ITFG2: variants seen among roughly 807,000 people sequenced by gnomAD.
ITFG2 encodes KICSTOR complex protein ITFG2.
A neutral mutation model predicts 54.4 loss-of-function variants in ITFG2; 36 were observed. That is an observed-to-expected ratio of 0.66 (90% CI 0.51 to 0.87). ITFG2 has a LOEUF of 0.87. Among genes scored for constraint, ITFG2 ranks in the 40% least tolerant of loss-of-function variants. The pLI is 0.00. For synonymous variants in ITFG2, 211 were observed against 225.4 expected (o/e 0.94, Z 0.57); for missense variants, 524 against 576.7 (o/e 0.91, Z 0.94).
At position 2,844,478 on chromosome 12, in the gene ITFG2, A is replaced by T. The variant is rs556553813; in HGVS notation, n.300+3483A>T. Among the ~76,000 whole-genome samples, 51 of 152,018 alleles carry T rather than the reference A, an allele frequency of 3.4e-4. No homozygotes were observed. The South Asian group carries it at 7.1e-3, about 21-fold the overall frequency. The stretch of plus-strand genomic sequence containing the variant: ...CTGAGACAGGAGAATCACCTGAACC[A>T]AGGAGGCAGAGGTTGCAGTGAGCCA... On this transcript the variant is annotated intron_variant and non_coding_transcript_variant, in intron 2 of 3. Coordinates refer to the ITFG2 transcript ENST00000537710.
chr12:2,828,201 C>T, downstream of ITFG2: 5 of 1,141,372 alleles, frequency 4.4e-6, no homozygotes, highest in African/African-American at 1.5e-5. Flanking sequence ...GTCTTCTAGC[C>T]ACTCTTTTGT....
chr12:2,836,569 GAGGGAA>G (rs2098028308), upstream of ITFG2, among the ~76,000 whole-genome samples: 1 of 152,294 alleles, frequency 6.6e-6, no homozygotes, highest in East Asian at 1.9e-4. Flanking sequence ...TCCCCATTTA[GAGGGAA>G]AGAAAGTGTT....
upstream of ITFG2, chr12:2,834,562 T>A: frequency 6.6e-7 from 1 of 1,507,900 alleles, no homozygotes. Context: ...CTGCACTTTC[T>A]GGTCCTGCCT....
intron 2 of ITFG2, among the ~76,000 whole-genome samples, chr12:2,847,255 A>G (rs916390815): frequency 2.6e-5 from 4 of 152,342 alleles, no homozygotes; most frequent in African/African-American, 7.2e-5. Flanking sequence ...TCATAAGTAC[A>G]CAAATCAGTG....
chr12:2,816,031 ATTT>A (rs35664869), intron 1 of ITFG2, among the ~76,000 whole-genome samples: 2 of 133,254 alleles, frequency 1.5e-5, no homozygotes, highest in Admixed American at 7.5e-5. Context: ...CACCTGGATA[ATTT>A]TTTTTTTTTT....
At chr12:2,827,417 C>G (rs1005693440), downstream of ITFG2, 1 of 1,521,534 alleles carries the variant, frequency 6.6e-7, no homozygotes, top group African/African-American at 1.4e-5. The surrounding 1 kb of genome is among the most constrained non-coding windows in gnomAD (Gnocchi z 4.0). Flanking sequence ...GCTCTTCCCC[C>G]ATCCCCATTT....
intron 4 of ITFG2, chr12:2,818,483 C>A: frequency 2.1e-6 from 2 of 943,018 alleles, no homozygotes; most frequent in Non-Finnish European, 3.1e-6. Context: ...CCTCCTGGGC[C>A]TTATTATGAA....
At chr12:2,826,768 T>A, downstream of ITFG2, 1 of 204,876 alleles carries the variant, frequency 4.9e-6, no homozygotes, top group Non-Finnish European at 9.7e-6. Flanking sequence ...GGCGGTCTAG[T>A]TGTGGGAGAT....
At chr12:2,858,517 A>C in intron 3 of ITFG2, 1 of 803,992 alleles carries the variant, frequency 1.2e-6, no homozygotes, top group Non-Finnish European at 1.9e-6. Context: ...ATCAGGCAGC[A>C]GGGAGCTATG....
intron 9 of ITFG2, among the ~76,000 whole-genome samples, chr12:2,822,510 G>C (rs2097949009): frequency 6.6e-6 from 1 of 152,170 alleles, no homozygotes; most frequent in Non-Finnish European, 1.5e-5. Context: ...CATCAGGCAT[G>C]CTTGTTGGTT....
chr12:2,838,398 G>A (rs1044420057), intron 1 of ITFG2, among the ~76,000 whole-genome samples: 2 of 152,152 alleles, frequency 1.3e-5, no homozygotes, highest in Admixed American at 1.3e-4. Flanking sequence ...GCTGGCTCTA[G>A]GGAGCCAGCC....
At chr12:2,842,120 CTTTTTTTTTT>C (rs71057841) in intron 2 of ITFG2, among the ~76,000 whole-genome samples, 1 of 108,718 alleles carries the variant, frequency 9.2e-6, no homozygotes, top group African/African-American at 3.7e-5. Flanking sequence ...TCACTTGTTT[CTTTTTTTTTT>C]TTTTTTTTTG....
chr12:2,837,236 G>A (rs2098030370), intron 1 of ITFG2, among the ~76,000 whole-genome samples: 1 of 151,778 alleles, frequency 6.6e-6, no homozygotes, highest in African/African-American at 2.4e-5. Context: ...CCAGCACTTT[G>A]GGAGGCCGAG....
At chr12:2,818,066 C>T in intron 3 of ITFG2, 40 bp from the exon 4 acceptor site, 1 of 1,608,920 alleles carries the variant, frequency 6.2e-7, no homozygotes, top group South Asian at 1.1e-5. Flanking sequence ...TCCAAAACTC[C>T]CTCCCCAGTC....
upstream of ITFG2, among the ~76,000 whole-genome samples, chr12:2,834,035 A>G (rs1165205509): frequency 6.6e-6 from 1 of 152,114 alleles, no homozygotes; most frequent in Non-Finnish European, 1.5e-5. Flanking sequence ...CCCCTGCCCC[A>G]TTCCTCTGAG....
chr12:2,821,031 A>T (rs549213209), intron 6 of ITFG2, among the ~76,000 whole-genome samples, 159 bp downstream of exon 6: 37 of 152,236 alleles, frequency 2.4e-4, no homozygotes, highest in African/African-American at 8.7e-4. Flanking sequence ...TTACTTTAAG[A>T]CCAAGGGAAT....
At position 2,855,549 on chromosome 12, in the gene ITFG2, C is replaced by G. The variant is rs1603494500; in HGVS notation, n.301-2463C>G. Reference sequence around the variant, plus strand: ...CCTTCCCAGGCACGACCTCTGCCAGCCCAGGATTCTCATGAGGACGCAGAA... The same window carrying G: ...CCTTCCCAGGCACGACCTCTGCCAGGCCAGGATTCTCATGAGGACGCAGAA... On this transcript the variant is annotated intron_variant and non_coding_transcript_variant, in intron 2 of 3. Transcript: ENST00000537710. 7.8e-6 allele frequency: 7 copies of G among 901,112 alleles called. No homozygotes were observed. In the South Asian group the frequency reaches 2.1e-4, roughly 27 times the overall value. The allele number at this position is 901,112 out of a possible 1,614,324, so 55.8% of individuals were successfully genotyped here.
chr12:2,849,237 G>A (rs2098062176), intron 2 of ITFG2: 1 of 1,535,636 alleles, frequency 6.5e-7, no homozygotes, highest in Non-Finnish European at 8.7e-7. Flanking sequence ...CCTTCTAGAA[G>A]TGTCCAGGTC....
chr12:2,820,097 T>C lies in ITFG2; in HGVS notation c.418T>C (p.Cys140Arg), dbSNP rs1301466177. 6.2e-7 allele frequency: 1 copy of C among 1,608,980 alleles called. No homozygotes were observed. The highest frequency in any genetic ancestry group is 1.3e-5 in the African/African-American group (1 of 74,736). Residue 140 changes from cysteine to arginine, a missense_variant, in exon 5 of 12, where the codon TGT (cysteine) becomes CGT (arginine). By Grantham distance (180) the Cys-to-Arg change is radical. Transcript: ENST00000228799. The stretch of plus-strand genomic sequence containing the variant: ...TTTCATGCCCACAGATGGAGATGGG[T>C]GTCGTGAGCTGGTGGTGGGCTACAC... ...MLISDIDGDG[C>R]RELVVGYTDR...
Sources: allele counts gnomAD v4.1 joint callset (sites outside exome capture counted in the v4.1 genomes callset), GRCh38; gene constraint gnomAD v4.1.1; non-coding constraint Gnocchi (gnomAD v3.1); transcripts MANE v1.5; gene names NCBI Gene and HGNC (gene_info 2026-07-23, HGNC 2026-07-21).